TTC7B: variants seen among roughly 807,000 people sequenced by gnomAD.
TTC7B encodes tetratricopeptide repeat domain 7B, also known as tetratricopeptide repeat protein 7B.
A neutral mutation model predicts 106.8 loss-of-function variants in TTC7B; 28 were observed. The ratio of observed to expected loss-of-function variants is 0.26; its 90% CI spans 0.19 to 0.36. The LOEUF (loss-of-function observed/expected upper bound fraction) is 0.36, where lower values mean the gene tolerates loss of function less well. Among genes scored for constraint, TTC7B ranks in the 10% least tolerant of loss-of-function variants. The pLI, the probability that TTC7B is intolerant of heterozygous loss-of-function variation, is 1.00. For synonymous variants in TTC7B, 405 were observed against 430.6 expected (o/e 0.94, Z 0.74); for missense variants, 862 against 1,076.4 (o/e 0.80, Z 2.79).
chr14:90,635,827 A>C (rs61161774), intron 15 of TTC7B, among the ~76,000 whole-genome samples: 13,328 of 150,226 alleles, frequency 0.089, 692 homozygotes, highest in East Asian at 0.17. Context: ...TATTTTAAAA[A>C]TTCAAAAAGT....
chr14:90,665,370 T>G (rs938808037), intron 9 of TTC7B, among the ~76,000 whole-genome samples: 3 of 152,210 alleles, frequency 2.0e-5, no homozygotes, highest in African/African-American at 7.2e-5. Context: ...AACGTTTCCT[T>G]TTGGTAGCAA....
intron 17 of TTC7B, among the ~76,000 whole-genome samples, chr14:90,609,966 CT>C (rs1356224658): frequency 6.6e-6 from 1 of 152,194 alleles, no homozygotes; most frequent in African/African-American, 2.4e-5. Context: ...GCAGTCAAAA[CT>C]TTGTCTCATG....
intron 16 of TTC7B, among the ~76,000 whole-genome samples, chr14:90,614,128 G>A (rs1425784945): frequency 1.3e-5 from 2 of 152,190 alleles, no homozygotes; most frequent in Non-Finnish European, 2.9e-5. Context: ...CAGAACAGGG[G>A]CAGATGAGAG....
chr14:90,719,689 A>G (rs1595315078), intron 5 of TTC7B, among the ~76,000 whole-genome samples: 1 of 152,158 alleles, frequency 6.6e-6, no homozygotes, highest in Admixed American at 6.5e-5. Flanking sequence ...GAAGCCCCTG[A>G]CCTTTCCCTG....
chr14:90,799,266 G>C lies in TTC7B; in HGVS notation c.122-12938C>G, dbSNP rs558670422. 4.1e-3 allele frequency among the ~76,000 whole-genome samples: 621 copies of C among 152,302 alleles called. 2 individuals are homozygous for C. Among genetic ancestry groups the C allele is most frequent in the African/African-American group, 0.014 (601 of 41,568 alleles). On this transcript the variant is annotated intron_variant, in intron 1 of 19. Coordinates refer to ENST00000328459, the MANE Select transcript of TTC7B (RefSeq NM_001010854.2). ...ACACATTTCAGGTCAGCTTGGAGCA[G>C]CTTCCCTTGCTCCCTCGGCCTGGGC...
At chr14:90,591,138 G>A (rs1169204170) in intron 18 of TTC7B, among the ~76,000 whole-genome samples, 1 of 152,166 alleles carries the variant, frequency 6.6e-6, no homozygotes, top group Non-Finnish European at 1.5e-5. Context: ...TCAGGAGTTC[G>A]AGACCAAGCC....
chr14:90,525,278 GC>G lies in TTC7B; in HGVS notation c.*16089del, dbSNP rs1889120252. ...TCACCCATGTTGCTGCAGGCACCAA[GC>G]CCCTCATATGGACAGATCACAATTC... On this transcript the variant is annotated 3_prime_UTR_variant, in exon 20 of 20. Transcript: ENST00000328459. 1 of 152,238 alleles carries G rather than the reference GC, an allele frequency of 6.6e-6. No homozygotes were observed. The highest frequency in any genetic ancestry group is 1.5e-5 in the Non-Finnish European group (1 of 68,040). 9.4% of individuals were successfully genotyped at this position (152,238 alleles called of 1,614,324 possible). A position where few individuals can be genotyped will look rare whatever the true frequency, so the allele number is the denominator to read the frequency against.
chr14:90,787,135 A>G (rs1165278081), intron 1 of TTC7B, among the ~76,000 whole-genome samples: 2 of 152,222 alleles, frequency 1.3e-5, no homozygotes, highest in East Asian at 3.8e-4. Context: ...TTGCAGAGTA[A>G]CAGAGTGTTC....
rs140490741 is a variant in TTC7B, at chr14:90,546,897, G to A, written c.2311-5308C>T. 5.3e-5 allele frequency among the ~76,000 whole-genome samples: 8 copies of A among 152,344 alleles called. No homozygotes were observed. The East Asian group carries it at 9.6e-4, about 18-fold the overall frequency. ...TCCTCTCTCACCTCCAGGAGCCAGC[G>A]CTGCTGGGGCTTGAGTTTCACAGAC... On this transcript the variant is annotated intron_variant, in intron 19 of 19. Coordinates refer to ENST00000328459, the MANE Select transcript of TTC7B (RefSeq NM_001010854.2).
At chr14:90,628,558 G>A (rs1292452511) in intron 15 of TTC7B, among the ~76,000 whole-genome samples, 1 of 152,264 alleles carries the variant, frequency 6.6e-6, no homozygotes, top group African/African-American at 2.4e-5. Context: ...CTGGGCCACA[G>A]TGTGATATGG....
intron 19 of TTC7B, among the ~76,000 whole-genome samples, chr14:90,556,700 C>A (rs1457268241): frequency 6.6e-6 from 1 of 152,188 alleles, no homozygotes; most frequent in Non-Finnish European, 1.5e-5. Flanking sequence ...CCCCTCCTGC[C>A]CTCTGGGGAA....
At chr14:90,801,724 G>T (rs968910166) in intron 1 of TTC7B, among the ~76,000 whole-genome samples, 2 of 152,122 alleles carry the variant, frequency 1.3e-5, no homozygotes, top group African/African-American at 4.8e-5. Context: ...CCAAGATTAG[G>T]AAGGGTTTCT....
Position 90,540,939 on chromosome 14 carries a change from T to G in TTC7B, c.*429A>C. 6.2e-6 allele frequency: 1 copy of G among 162,512 alleles called. No individual in the cohort carries two copies. The highest frequency in any genetic ancestry group is 1.3e-5 in the Non-Finnish European group (1 of 74,758). 10.1% of individuals were successfully genotyped at this position (162,512 alleles called of 1,614,324 possible). A position where few individuals can be genotyped will look rare whatever the true frequency, so the allele number is the denominator to read the frequency against. On this transcript the variant is annotated 3_prime_UTR_variant, in exon 20 of 20. Transcript: ENST00000328459. ...GGGAGACAGGAAGTTCACATTTGGT[T>G]TCTGGGCCAAAGTGGGGCAGGAGGG...
chr14:90,684,809 T>G (rs1887193223), intron 7 of TTC7B, among the ~76,000 whole-genome samples: 1 of 152,132 alleles, frequency 6.6e-6, no homozygotes, highest in South Asian at 2.1e-4. Flanking sequence ...GATATGTTGA[T>G]GAACTTGGTG....
intron 4 of TTC7B, among the ~76,000 whole-genome samples, chr14:90,743,072 T>TTTTAAA (rs1202490436): frequency 6.6e-6 from 1 of 152,246 alleles, no homozygotes; most frequent in Non-Finnish European, 1.5e-5. Context: ...TAAAGGAGCC[T>TTTTAAA]GGATGATCAT....
At chr14:90,579,896 T>A (rs979556711) in intron 18 of TTC7B, among the ~76,000 whole-genome samples, 2 of 152,246 alleles carry the variant, frequency 1.3e-5, no homozygotes, top group African/African-American at 4.8e-5. Flanking sequence ...TGGAGCCCAC[T>A]TTGGAAACTG....
At chr14:90,674,244 G>A (rs942959867) in intron 9 of TTC7B, among the ~76,000 whole-genome samples, 37 of 152,200 alleles carry the variant, frequency 2.4e-4, no homozygotes, top group African/African-American at 8.2e-4. Flanking sequence ...ATGTGGCCTC[G>A]GACAGAGGGA....
intron 5 of TTC7B, among the ~76,000 whole-genome samples, chr14:90,714,753 C>T (rs1346232466): frequency 2.0e-5 from 3 of 151,710 alleles, no homozygotes; most frequent in Non-Finnish European, 2.9e-5. Flanking sequence ...CACCATGCCC[C>T]GCCTATATAC....
intron 3 of TTC7B, among the ~76,000 whole-genome samples, chr14:90,752,350 T>G (rs1890163505): frequency 6.6e-6 from 1 of 152,032 alleles, no homozygotes. Context: ...AGACCCCATC[T>G]CTACAAAAAA....
Sources: gnomAD v4.1 joint callset for allele counts (sites outside exome capture counted in the v4.1 genomes callset) on GRCh38, gnomAD v4.1.1 for gene constraint, MANE v1.5 for transcripts, NCBI Gene and HGNC (gene_info 2026-07-23, HGNC 2026-07-21) for gene names.